The following SNX25 variants were observed in gnomAD, a reference collection of about 807,000 sequenced individuals.
SNX25 encodes the protein sorting nexin 25.
Under a neutral mutation model 113.7 loss-of-function variants are expected in SNX25, and 62 were observed. The observed-to-expected ratio is 0.55, with a 90% CI of 0.44 to 0.67. SNX25 has a LOEUF of 0.67. SNX25 is among the 30% of genes least tolerant of loss of function. The pLI, the probability that SNX25 is intolerant of heterozygous loss-of-function variation, is 0.00. For missense variants in SNX25, 1,014 were observed against 1,161.0 expected (o/e 0.87, Z 1.84); for synonymous variants, 421 against 436.2 (o/e 0.97, Z 0.43).
intron 2 of SNX25, among the ~76,000 whole-genome samples, chr4:185,256,646 G>A (rs1209415915): frequency 9.6e-6 from 1 of 103,756 alleles, no homozygotes; most frequent in African/African-American, 3.3e-5. Flanking sequence ...TTTTTTTTGA[G>A]TCAGGGTTTT....
At chr4:185,248,564 A>G (rs758834546) in intron 2 of SNX25, among the ~76,000 whole-genome samples, 1 of 152,034 alleles carries the variant, frequency 6.6e-6, no homozygotes, top group Non-Finnish European at 1.5e-5. Flanking sequence ...AAGTGGGAGA[A>G]TTGCTTGAGC....
At chr4:185,319,045 T>C (rs1367567979) in intron 7 of SNX25, among the ~76,000 whole-genome samples, 1 of 151,864 alleles carries the variant, frequency 6.6e-6, no homozygotes, top group Non-Finnish European at 1.5e-5. Context: ...ATTACCATAC[T>C]CTCCTCCTTT....
At chr4:185,311,736 T>G (rs903947624) in intron 7 of SNX25, among the ~76,000 whole-genome samples, 3 of 152,220 alleles carry the variant, frequency 2.0e-5, no homozygotes, top group African/African-American at 7.2e-5. Context: ...CTTCAGCTAC[T>G]CATCTGTGAT....
intron 12 of SNX25, among the ~76,000 whole-genome samples, chr4:185,342,863 AATTT>A (rs1479790707): frequency 6.6e-6 from 1 of 151,818 alleles, no homozygotes; most frequent in Non-Finnish European, 1.5e-5. Context: ...TGTGACCTGG[AATTT>A]ATTTATTTAT....
At chr4:185,248,902 C>T (rs1349704471) in intron 2 of SNX25, among the ~76,000 whole-genome samples, 2 of 152,168 alleles carry the variant, frequency 1.3e-5, no homozygotes, top group African/African-American at 4.8e-5. Flanking sequence ...GGAAATGGAA[C>T]CATACAGTGT....
chr4:185,241,155 G>A (rs1259733003), intron 1 of SNX25, among the ~76,000 whole-genome samples: 5 of 151,758 alleles, frequency 3.3e-5, no homozygotes, highest in East Asian at 1.9e-4. Flanking sequence ...GTAGCGAGCC[G>A]AGATCACGCC....
At chr4:185,299,531 A>T (rs1753334616) in intron 6 of SNX25, among the ~76,000 whole-genome samples, 1 of 152,108 alleles carries the variant, frequency 6.6e-6, no homozygotes, top group Middle Eastern at 3.2e-3. Flanking sequence ...TTCCCTGATG[A>T]TGCTTGTGCT....
At chr4:185,264,190 T>C (rs1185330274) in intron 3 of SNX25, among the ~76,000 whole-genome samples, 1 of 152,214 alleles carries the variant, frequency 6.6e-6, no homozygotes, top group Non-Finnish European at 1.5e-5. Context: ...TTTGGAGTTA[T>C]ATAGACCCTT....
At chr4:185,257,377 A>G (rs1237269175) in intron 2 of SNX25, among the ~76,000 whole-genome samples, 2 of 152,104 alleles carry the variant, frequency 1.3e-5, no homozygotes, top group African/African-American at 4.8e-5. Flanking sequence ...CCTTCTTTCT[A>G]AATAGGCTTT....
intron 7 of SNX25, among the ~76,000 whole-genome samples, chr4:185,317,320 A>G (rs1317879253): frequency 1.3e-5 from 2 of 152,224 alleles, no homozygotes; most frequent in Non-Finnish European, 2.9e-5. Flanking sequence ...GTCGGGAAAC[A>G]ACAGATGCTG....
At chr4:185,339,144 T>G (rs1047418351) in intron 10 of SNX25, among the ~76,000 whole-genome samples, 2 of 152,224 alleles carry the variant, frequency 1.3e-5, no homozygotes, top group African/African-American at 4.8e-5. Flanking sequence ...CTTTCATCAG[T>G]GTTTTGTAGT....
chr4:185,335,303 G>C (rs990442173), intron 10 of SNX25, among the ~76,000 whole-genome samples: 2 of 145,108 alleles, frequency 1.4e-5, no homozygotes, highest in Non-Finnish European at 3.0e-5. Flanking sequence ...CTGGGCAATA[G>C]AGTGAAAAAG....
rs1451071187 is a variant in SNX25 at position 185,363,559 on chromosome 4, T to C, written c.*94T>C. ...ACAGAGGGCTTAACTGAGAACCGTATTGATTTTTATTTTAGTTACCTCCCT... is the reference window on the plus strand; with the variant it reads ...ACAGAGGGCTTAACTGAGAACCGTACTGATTTTTATTTTAGTTACCTCCCT... On this transcript the variant is annotated 3_prime_UTR_variant, in exon 19 of 19. Coordinates refer to ENST00000652585, the MANE Select transcript of SNX25 (RefSeq NM_001378034.2). This position sits in a 1 kb window ranked among gnomAD's most constrained non-coding sequence, Gnocchi z 4.2. The C allele has an allele frequency of 4.3e-6, 5 of 1,172,138 alleles. No individual in the cohort carries two copies. The highest frequency in any genetic ancestry group is 6.2e-6 in the Non-Finnish European group (5 of 803,006). 72.6% of individuals were successfully genotyped at this position (1,172,138 alleles called of 1,614,324 possible). A position where few individuals can be genotyped will look rare whatever the true frequency, so the allele number is the denominator to read the frequency against.
At chr4:185,272,691 T>C (rs1749117526) in intron 5 of SNX25, among the ~76,000 whole-genome samples, 1 of 152,176 alleles carries the variant, frequency 6.6e-6, no homozygotes, top group South Asian at 2.1e-4. Context: ...CCATCTGAAG[T>C]CTTGACTAGA....
At chr4:185,255,628 A>G (rs529470778) in intron 2 of SNX25, among the ~76,000 whole-genome samples, 3 of 152,276 alleles carry the variant, frequency 2.0e-5, no homozygotes, top group African/African-American at 7.2e-5. Context: ...AACAAACTGG[A>G]TATCTAGTGG....
intron 12 of SNX25, among the ~76,000 whole-genome samples, chr4:185,342,845 C>T (rs1486019160): frequency 1.3e-5 from 2 of 152,150 alleles, no homozygotes; most frequent in African/African-American, 4.8e-5. Context: ...CTCTACTCTT[C>T]ATGGCTGTGT....
intron 1 of SNX25, among the ~76,000 whole-genome samples, chr4:185,240,244 C>T (rs1308849208): frequency 1.3e-5 from 2 of 152,202 alleles, no homozygotes; most frequent in South Asian, 2.1e-4. Context: ...CACAAAACCG[C>T]CATTGTCATC....
At chr4:185,205,214 G>C (rs1737134057), upstream of SNX25, among the ~76,000 whole-genome samples, 1 of 152,142 alleles carries the variant, frequency 6.6e-6, no homozygotes, top group Admixed American at 6.5e-5. Context: ...CCAGCACTTC[G>C]GGAGGCCGAG....
At chr4:185,273,789 A>T (rs1243955325) in intron 5 of SNX25, among the ~76,000 whole-genome samples, 1 of 152,158 alleles carries the variant, frequency 6.6e-6, no homozygotes, top group East Asian at 1.9e-4. Context: ...TTTATTTAGC[A>T]CAGTGTCCTC....
Sources: allele counts gnomAD v4.1 joint callset (sites outside exome capture counted in the v4.1 genomes callset), GRCh38; gene constraint gnomAD v4.1.1; non-coding constraint Gnocchi (gnomAD v3.1); transcripts MANE v1.5; gene names NCBI Gene and HGNC (gene_info 2026-07-23, HGNC 2026-07-21).